FRMD5: variants seen among roughly 807,000 people sequenced by gnomAD.
FRMD5 encodes FERM domain containing 5.
Under a neutral mutation model 69.0 loss-of-function variants are expected in FRMD5, and 20 were observed. The observed-to-expected ratio is 0.29, with a 90% CI of 0.20 to 0.42. FRMD5 has a LOEUF of 0.42. Among genes scored for constraint, FRMD5 ranks in the 10% least tolerant of loss-of-function variants. The pLI, the probability that FRMD5 is intolerant of heterozygous loss-of-function variation, is 1.00. For synonymous variants in FRMD5, 271 were observed against 260.1 expected, an observed-to-expected ratio of 1.04 and a Z score of -0.40; for missense variants, 595 against 708.6, an observed-to-expected ratio of 0.84 and a Z score of 1.82.
intron 1 of FRMD5, among the ~76,000 whole-genome samples, chr15:44,175,373 C>T (rs1363751803): frequency 6.6e-6 from 1 of 152,158 alleles, no homozygotes; most frequent in Admixed American, 6.5e-5. Context: ...TACTCCATAT[C>T]ATTAGCCATT....
chr15:44,085,202 T>C (rs926445784), intron 1 of FRMD5, among the ~76,000 whole-genome samples: 1 of 152,120 alleles, frequency 6.6e-6, no homozygotes, highest in African/African-American at 2.4e-5. Context: ...ATAGATATTA[T>C]ATAAGCACTA....
At chr15:43,990,491 AAT>A (rs1889623384) in intron 1 of FRMD5, among the ~76,000 whole-genome samples, 2 of 152,254 alleles carry the variant, frequency 1.3e-5, no homozygotes, top group Non-Finnish European at 2.9e-5. Context: ...AACCAATAGA[AAT>A]AGAGTTTCAA....
At chr15:44,003,100 A>C (rs1031613418) in intron 1 of FRMD5, among the ~76,000 whole-genome samples, 4 of 152,200 alleles carry the variant, frequency 2.6e-5, no homozygotes, top group Admixed American at 6.5e-5. Context: ...CTAGTTGCTC[A>C]GATAAAAAAC....
intron 1 of FRMD5, among the ~76,000 whole-genome samples, chr15:44,187,413 G>C (rs1458649396): frequency 6.6e-6 from 1 of 152,066 alleles, no homozygotes; most frequent in Non-Finnish European, 1.5e-5. Flanking sequence ...GATTTCTGTT[G>C]TTTGACTCAA....
intron 1 of FRMD5, among the ~76,000 whole-genome samples, chr15:44,152,200 C>T (rs2077458314): frequency 6.6e-6 from 1 of 152,182 alleles, no homozygotes; most frequent in Middle Eastern, 3.2e-3. Context: ...TAGAGGGAGA[C>T]TGTCCCAAAA....
At chr15:44,037,098 A>T (rs4924735) in intron 1 of FRMD5, among the ~76,000 whole-genome samples, 136,515 of 152,114 alleles carry the variant, frequency 0.9, 61,908 homozygotes, top group East Asian at 1. Flanking sequence ...CAGCCTGTCA[A>T]CTACATTAGG....
In FRMD5 at chr15:44,038,520, C is replaced by CTTTTTTTTTTTTTTTTTTT. The variant is rs71111834; in HGVS notation, c.103-114230_103-114212dup. On this transcript the variant is annotated intron_variant, in intron 1 of 13. Transcript: ENST00000417257. ...GCTTTCTGCATATGGCTAGCCAGAGCTTTTTTTTTTTTTTTTTTTTATAAC... is the reference window on the plus strand; with the variant it reads ...GCTTTCTGCATATGGCTAGCCAGAGCTTTTTTTTTTTTTTTTTTTTTTTTTTTTTTTTTTTTTTTATAAC... Among the ~76,000 whole-genome samples the CTTTTTTTTTTTTTTTTTTT allele has an allele frequency of 9.5e-5, 6 of 63,200 alleles. 1 individual carries two copies. The highest frequency in any genetic ancestry group is 5.6e-4 in the Admixed American group (2 of 3,590). The allele number at this position is 63,200 out of a possible 152,430, so 41.5% of individuals were successfully genotyped here. A position where few individuals can be genotyped will look rare whatever the true frequency, so the allele number is the denominator to read the frequency against.
intron 1 of FRMD5, among the ~76,000 whole-genome samples, chr15:44,071,570 G>A (rs370570423): frequency 2.0e-5 from 3 of 152,138 alleles, no homozygotes; most frequent in Admixed American, 6.6e-5. Flanking sequence ...CTTGCTTTAC[G>A]GTGAGCTTAC....
chr15:44,042,957 G>T lies in FRMD5; in HGVS notation c.103-118648C>A, dbSNP rs1421550011. Among the ~76,000 whole-genome samples, 4 of 152,152 alleles carry T rather than the reference G, an allele frequency of 2.6e-5. No homozygotes were observed. The East Asian group carries it at 5.8e-4, about 22-fold the overall frequency. On this transcript the variant is annotated intron_variant, in intron 1 of 13. Transcript: ENST00000417257. ...ATCAGGCAAGAGAAAGAAATAAAGG[G>T]TATTCAATTAGGAAAAGAGGAAGTC...
intron 1 of FRMD5, among the ~76,000 whole-genome samples, chr15:44,111,908 C>T (rs900762700): frequency 1.3e-5 from 2 of 151,330 alleles, no homozygotes; most frequent in African/African-American, 2.4e-5. Context: ...TGGAATGCAG[C>T]GGCACCACCT....
chr15:43,905,395 C>T (rs2089146781), intron 6 of FRMD5, among the ~76,000 whole-genome samples: 1 of 152,170 alleles, frequency 6.6e-6, no homozygotes, highest in South Asian at 2.1e-4. Flanking sequence ...CCTCGACCTC[C>T]CAAAGTGCTG....
At chr15:44,148,098 T>A (rs1316175457) in intron 1 of FRMD5, among the ~76,000 whole-genome samples, 1 of 152,216 alleles carries the variant, frequency 6.6e-6, no homozygotes, top group Non-Finnish European at 1.5e-5. Context: ...CCAGAGTATT[T>A]AATGGGCCCA....
chr15:43,951,424 A>G (rs2090026911), intron 1 of FRMD5, among the ~76,000 whole-genome samples: 1 of 150,922 alleles, frequency 6.6e-6, no homozygotes, highest in Non-Finnish European at 1.5e-5. Context: ...TCCATCTCAA[A>G]AAAAAAAAAA....
At chr15:43,932,164 T>C (rs2089686634) in intron 1 of FRMD5, among the ~76,000 whole-genome samples, 1 of 152,026 alleles carries the variant, frequency 6.6e-6, no homozygotes, top group Admixed American at 6.6e-5. Context: ...TCTTGAGACC[T>C]CTTCTTCCTC....
At chr15:43,941,873 G>A (rs1180224227) in intron 1 of FRMD5, among the ~76,000 whole-genome samples, 2 of 152,156 alleles carry the variant, frequency 1.3e-5, no homozygotes, top group Non-Finnish European at 2.9e-5. Context: ...ATCTGAAGAC[G>A]TAGTCCATCA....
chr15:43,941,664 G>C (rs1034200244), intron 1 of FRMD5, among the ~76,000 whole-genome samples: 1 of 152,188 alleles, frequency 6.6e-6, no homozygotes, highest in Non-Finnish European at 1.5e-5. Flanking sequence ...AAAAATAAAA[G>C]TAGTAAATTA....
intron 1 of FRMD5, among the ~76,000 whole-genome samples, chr15:43,939,567 T>C (rs1241029502): frequency 6.6e-6 from 1 of 151,944 alleles, no homozygotes; most frequent in Non-Finnish European, 1.5e-5. Context: ...TATTTATTTT[T>C]ATCTTTTTGA....
chr15:44,085,000 T>A (rs1170444290), intron 1 of FRMD5, among the ~76,000 whole-genome samples: 1 of 152,144 alleles, frequency 6.6e-6, no homozygotes, highest in Non-Finnish European at 1.5e-5. Flanking sequence ...GACTGTGATC[T>A]GAGCACCAAG....
intron 1 of FRMD5, among the ~76,000 whole-genome samples, chr15:44,054,158 T>A (rs1297742283): frequency 6.6e-6 from 1 of 152,222 alleles, no homozygotes; most frequent in African/African-American, 2.4e-5. Context: ...AAACACAAAA[T>A]CTCTGGCAGT....
Sources: allele counts gnomAD v4.1 joint callset (sites outside exome capture counted in the v4.1 genomes callset), GRCh38; gene constraint gnomAD v4.1.1; transcripts MANE v1.5; gene names NCBI Gene and HGNC (gene_info 2026-07-23, HGNC 2026-07-21).